Variants in FYCO1 observed in about 807,000 individuals in gnomAD.
FYCO1 encodes the protein FYVE and coiled-coil domain-containing protein 1.
Under a neutral mutation model 165.1 loss-of-function variants are expected in FYCO1, and 122 were observed. The observed-to-expected ratio is 0.74, with a 90% CI of 0.64 to 0.86. The LOEUF (loss-of-function observed/expected upper bound fraction) is 0.86. Among genes scored for constraint, FYCO1 ranks in the 40% least tolerant of loss-of-function variants. The probability of loss-of-function intolerance (pLI) is 0.00; values close to 1 mark genes in which losing one functional copy is unlikely to be tolerated. For synonymous variants in FYCO1, 648 were observed against 742.5 expected (o/e 0.87, Z 2.07); for missense variants, 1,702 against 1,810.3 (o/e 0.94, Z 1.09).
At chr3:45,955,425 G>C (rs1705255322) in intron 13 of FYCO1, 32 bp from the exon 14 acceptor site, 1 of 1,613,460 alleles carries the variant, frequency 6.2e-7, no homozygotes, top group African/African-American at 1.3e-5. Context: ...GGAGAGAAGA[G>C]ACACAACACA....
intron 16 of FYCO1, among the ~76,000 whole-genome samples, chr3:45,924,081 C>G (rs1050358826): frequency 6.6e-6 from 1 of 152,184 alleles, no homozygotes. Context: ...TTTCTGCCTT[C>G]AGGATATGAA....
At chr3:45,977,335 C>G (rs555663750) in intron 4 of FYCO1, among the ~76,000 whole-genome samples, 2 of 81,334 alleles carry the variant, frequency 2.5e-5, no homozygotes, top group Non-Finnish European at 5.3e-5. Context: ...TTAATCAGGC[C>G]CATTAACTGA....
At chr3:45,932,949 T>C (rs1433689415) in intron 15 of FYCO1, among the ~76,000 whole-genome samples, 1 of 152,246 alleles carries the variant, frequency 6.6e-6, no homozygotes, top group Non-Finnish European at 1.5e-5. Flanking sequence ...TACCCTGACA[T>C]AATGCCCCAT....
intron 8 of FYCO1, among the ~76,000 whole-genome samples, chr3:45,965,492 A>C (rs1367147763): frequency 1.3e-5 from 2 of 152,154 alleles, no homozygotes; most frequent in African/African-American, 4.8e-5. Context: ...ATGCAGACAG[A>C]CTAGTGGCAA....
In FYCO1 at chr3:45,985,869, C is replaced by T. The variant is rs574710075; in HGVS notation, c.-112-847G>A. On this transcript the variant is annotated intron_variant, in intron 1 of 17. Transcript: ENST00000296137. ...TCTGGACATGCATCTGGAGATCCTACGTCCTTTCAGAACCTCTCATTCTTC... is the reference window on the plus strand; with the variant it reads ...TCTGGACATGCATCTGGAGATCCTATGTCCTTTCAGAACCTCTCATTCTTC... Among the ~76,000 whole-genome samples the T allele has an allele frequency of 3.3e-5, 5 of 152,350 alleles. No individual in the cohort carries two copies. The South Asian group carries it at 8.3e-4, about 25-fold the overall frequency.
At chr3:45,989,100 C>A (rs1030218490) in intron 1 of FYCO1, among the ~76,000 whole-genome samples, 1 of 152,102 alleles carries the variant, frequency 6.6e-6, no homozygotes, top group Non-Finnish European at 1.5e-5. Flanking sequence ...AGGTTGGAGG[C>A]GTGGAAGTCA....
chr3:45,976,354 G>A (rs1262840452), intron 4 of FYCO1, among the ~76,000 whole-genome samples: 1 of 152,236 alleles, frequency 6.6e-6, no homozygotes, highest in Non-Finnish European at 1.5e-5. Context: ...TCAGCTGGGA[G>A]CATATAATGG....
At position 45,993,836 on chromosome 3, in the gene FYCO1, T is replaced by A. The variant is rs1707668401; in HGVS notation, c.-113+1886A>T. Among the ~76,000 whole-genome samples, 1 of 149,496 alleles carries A rather than the reference T, an allele frequency of 6.7e-6. No homozygotes were observed. Among genetic ancestry groups the A allele is most frequent in the Non-Finnish European group, 1.5e-5 (1 of 67,280 alleles). On this transcript the variant is annotated intron_variant, in intron 1 of 17. Coordinates refer to ENST00000296137, the MANE Select transcript of FYCO1 (RefSeq NM_024513.4). The surrounding 1 kb of genome is among the most constrained non-coding windows in gnomAD (Gnocchi z 4.4). ...TGTTTAAAGACATTCTAGTCTTGAG[T>A]CACCAAAGCTGTGTCTTTGGAATCT...
At chr3:45,972,789 C>T (rs1261103770) in intron 6 of FYCO1, among the ~76,000 whole-genome samples, 1 of 152,218 alleles carries the variant, frequency 6.6e-6, no homozygotes, top group Non-Finnish European at 1.5e-5. Context: ...AAAAAGCCCA[C>T]TCCTCCCCCA....
chr3:45,924,870 C>T (rs1378935285), intron 16 of FYCO1, among the ~76,000 whole-genome samples: 1 of 151,752 alleles, frequency 6.6e-6, no homozygotes, highest in Non-Finnish European at 1.5e-5. Context: ...GCCTCAGCCT[C>T]CCAAAGTGCT....
intron 6 of FYCO1, among the ~76,000 whole-genome samples, chr3:45,972,182 G>A (rs182622843): frequency 3.9e-5 from 6 of 152,290 alleles, no homozygotes; most frequent in Admixed American, 1.3e-4. Flanking sequence ...TGGGCCAGGC[G>A]TGGTGGCTCA....
rs139654490 is a variant in FYCO1, at chr3:45,962,904, G to GC, written c.3270-513dup. 0.012 allele frequency among the ~76,000 whole-genome samples: 1,866 copies of GC among 152,252 alleles called. 41 individuals carry two copies. The highest frequency in any genetic ancestry group is 0.039 in the African/African-American group (1,612 of 41,534). On this transcript the variant is annotated intron_variant, in intron 10 of 17. Transcript: ENST00000296137. The surrounding 1 kb of genome is among the most constrained non-coding windows in gnomAD (Gnocchi z 4.4). ...GCACTGCCAGCTGTTCTACCTGATA[G>GC]CCCCCCTGAGGCCCAGGGAATTCCG...
Position 45,918,583 on chromosome 3 carries a change from A to G in FYCO1, c.*3182T>C, listed in dbSNP as rs1702990438. The G allele has an allele frequency of 6.6e-6, 1 of 152,174 alleles. No homozygotes were observed. Among genetic ancestry groups the G allele is most frequent in the Non-Finnish European group, 1.5e-5 (1 of 68,038 alleles). 9.4% of individuals were successfully genotyped at this position (152,174 alleles called of 1,614,324 possible). A position where few individuals can be genotyped will look rare whatever the true frequency, so the allele number is the denominator to read the frequency against. On this transcript the variant is annotated 3_prime_UTR_variant, in exon 18 of 18. Transcript: ENST00000296137. ...CATATGTAGAATCATGCGCACTTTT[A>G]AAACTGAAACTCCTTTAAAATTTCA... is the stretch of plus-strand genomic sequence containing the variant.
chr3:45,935,254 C>T (rs73064471), intron 15 of FYCO1, among the ~76,000 whole-genome samples: 12,385 of 152,282 alleles, frequency 0.081, 671 homozygotes, highest in Non-Finnish European at 0.12. Flanking sequence ...CCCACTTTGG[C>T]TCTCATCCTC....
At position 45,961,617 on chromosome 3, in the gene FYCO1, C is replaced by A. The variant is rs571255556; in HGVS notation, c.3437+608G>T. The stretch of plus-strand genomic sequence containing the variant: ...TTCAAAAAATAGAAAATAAAAGAGT[C>A]CTTACCTTGGAGAGGTACATATTGA... On this transcript the variant is annotated intron_variant, in intron 11 of 17. Coordinates refer to ENST00000296137, the MANE Select transcript of FYCO1 (RefSeq NM_024513.4). Among the ~76,000 whole-genome samples, 315 of 152,006 alleles carry A rather than the reference C, an allele frequency of 2.1e-3. 3 individuals carry two copies. The highest frequency in any genetic ancestry group is 0.01 in the Middle Eastern group (3 of 294).
chr3:45,932,237 T>C (rs1703669978), intron 15 of FYCO1, among the ~76,000 whole-genome samples: 1 of 152,226 alleles, frequency 6.6e-6, no homozygotes, highest in African/African-American at 2.4e-5. Flanking sequence ...TAGCTCATGA[T>C]CATGGAGACA....
Position 45,919,694 on chromosome 3 carries a change from A to G in FYCO1, c.*2071T>C, listed in dbSNP as rs971787340. ...TCAGCTTGGCCAGAGTCTCCGCAGT[A>G]TCCTTGGAAAGCCAAGCACTCAAAG... On this transcript the variant is annotated 3_prime_UTR_variant, in exon 18 of 18. Coordinates refer to ENST00000296137, the MANE Select transcript of FYCO1 (RefSeq NM_024513.4). 3 of 152,230 alleles carry G rather than the reference A, an allele frequency of 2.0e-5. No individual in the cohort carries two copies. The highest frequency in any genetic ancestry group is 4.4e-5 in the Non-Finnish European group (3 of 68,044). 9.4% of individuals were successfully genotyped at this position (152,230 alleles called of 1,614,324 possible).
In FYCO1 at chr3:45,967,069, T is replaced by A; in HGVS notation, c.2265A>T (p.Gly755=). The A allele has an allele frequency of 6.2e-7, 1 of 1,613,782 alleles. No individual in the cohort carries two copies. The highest frequency in any genetic ancestry group is 1.1e-5 in the South Asian group (1 of 91,088). The change falls in exon 8 of 18, where the codon GGA becomes GGT. Residue 755 remains glycine, a synonymous_variant. Transcript: ENST00000296137. Reference sequence around the variant, plus strand: ...CTTCATTGTCAGTGGGTGGGCCAACTCCCTGTTGGCCTTTCTCTGCTGTGA... The same window carrying A: ...CTTCATTGTCAGTGGGTGGGCCAACACCCTGTTGGCCTTTCTCTGCTGTGA... ...EVLTAEKGQQ[G]VGPPTDNEAR...
chr3:45,968,542 C>T lies in FYCO1; in HGVS notation c.792G>A (p.Arg264=). 2 of 1,614,030 alleles carry T rather than the reference C, an allele frequency of 1.2e-6. No individual in the cohort carries two copies. Among genetic ancestry groups the T allele is most frequent in the South Asian group, 2.2e-5 (2 of 91,080 alleles). The change falls in exon 8 of 18, where the codon AGG becomes AGA. Residue 264 remains arginine, a synonymous_variant. Transcript: ENST00000296137. ...QQLDRENQEL[R]AAVSQQGEQL... The stretch of plus-strand genomic sequence containing the variant: ...GCTCCCCTTGCTGGCTGACAGCTGC[C>T]CTCAGCTCCTGGTTCTCTCTGTCCA...
Sources: allele counts gnomAD v4.1 joint callset (sites outside exome capture counted in the v4.1 genomes callset), GRCh38; gene constraint gnomAD v4.1.1; non-coding constraint Gnocchi (gnomAD v3.1); transcripts MANE v1.5; gene names NCBI Gene and HGNC (gene_info 2026-07-23, HGNC 2026-07-21).